The following DPY19L1 variants were observed in gnomAD, a reference collection of about 807,000 sequenced individuals.
DPY19L1 encodes dpy-19 like C-mannosyltransferase 1.
In DPY19L1, 35 loss-of-function variants were observed where a neutral mutation model predicts 96.9. The ratio of observed to expected loss-of-function variants is 0.36; its 90% CI spans 0.28 to 0.48. The LOEUF (loss-of-function observed/expected upper bound fraction) is 0.48, where lower values mean the gene tolerates loss of function less well. Ranked by LOEUF, DPY19L1 falls within the 20% of genes least tolerant of loss-of-function variation. The pLI is 0.99. For missense variants in DPY19L1, 521 were observed against 777.9 expected, an observed-to-expected ratio of 0.67 and a Z score of 3.93; for synonymous variants, 205 against 252.6, an observed-to-expected ratio of 0.81 and a Z score of 1.79.
intron 21 of DPY19L1, 142 bp downstream of exon 21, chr7:34,937,852 C>T (rs1783904188): frequency 1.3e-6 from 1 of 797,276 alleles, no homozygotes; most frequent in East Asian, 2.9e-5. Context: ...GAGTGAGAGC[C>T]TGTTTAAAAA....
At chr7:35,012,702 A>C (rs546145231) in intron 4 of DPY19L1, among the ~76,000 whole-genome samples, 18 of 151,864 alleles carry the variant, frequency 1.2e-4, no homozygotes, top group African/African-American at 4.1e-4. Context: ...TAAAAGACAA[A>C]AAAGATTCAA....
chr7:35,018,517 T>C (rs1219470847), intron 2 of DPY19L1, 55 bp downstream of exon 2: 2 of 1,489,058 alleles, frequency 1.3e-6, no homozygotes, highest in African/African-American at 2.8e-5. Flanking sequence ...GGAAATAGCT[T>C]TAGCAAGTTA....
chr7:35,037,598 G>C (rs1786465858), upstream of DPY19L1: 1 of 261,254 alleles, frequency 3.8e-6, no homozygotes, highest in South Asian at 1.7e-4. Context: ...ACCGCCGGGA[G>C]GCGGCGCCGG....
chr7:35,009,668 A>G (rs1785651981), intron 6 of DPY19L1, among the ~76,000 whole-genome samples: 1 of 152,192 alleles, frequency 6.6e-6, no homozygotes, highest in Non-Finnish European at 1.5e-5. Flanking sequence ...ATCTACAGCC[A>G]TTGACATTGG....
chr7:35,025,476 C>T lies in DPY19L1; in HGVS notation c.299-6880G>A, dbSNP rs78094246. ...GCAGATCAGTAATGACCTTAGGGCA[C>T]GGTTTACTAAGATGGTTAAGAAGAG... On this transcript the variant is annotated intron_variant, in intron 1 of 21. Coordinates refer to ENST00000638088, the MANE Select transcript of DPY19L1 (RefSeq NM_001366673.1). Among the ~76,000 whole-genome samples, 897 of 151,856 alleles carry T rather than the reference C, an allele frequency of 5.9e-3. 10 individuals carry two copies. The highest frequency in any genetic ancestry group is 0.019 in the African/African-American group (797 of 41,388).
At chr7:34,977,420 A>C (rs1397974736) in intron 7 of DPY19L1, among the ~76,000 whole-genome samples, 2 of 152,216 alleles carry the variant, frequency 1.3e-5, no homozygotes, top group Non-Finnish European at 2.9e-5. Flanking sequence ...TAATAGCTAT[A>C]GTCACTCAGT....
chr7:34,985,957 G>A (rs1785037918), intron 7 of DPY19L1, among the ~76,000 whole-genome samples: 1 of 151,824 alleles, frequency 6.6e-6, no homozygotes, highest in African/African-American at 2.4e-5. Context: ...CATACACAAC[G>A]GAATATGACA....
chr7:34,959,479 G>A (rs1453711280), intron 10 of DPY19L1, among the ~76,000 whole-genome samples: 3 of 152,162 alleles, frequency 2.0e-5, no homozygotes, highest in Admixed American at 1.3e-4. Flanking sequence ...GCCTGTCAAT[G>A]ATAGTCTGGA....
At chr7:35,002,791 C>A (rs557358299) in intron 6 of DPY19L1, among the ~76,000 whole-genome samples, 1 of 152,142 alleles carries the variant, frequency 6.6e-6, no homozygotes, top group Non-Finnish European at 1.5e-5. Context: ...TCTTTTGAGA[C>A]GGAGTCTTGC....
chr7:34,980,571 C>T (rs2526545), intron 7 of DPY19L1, among the ~76,000 whole-genome samples: 40,443 of 151,794 alleles, frequency 0.27, 5,517 homozygotes, highest in Non-Finnish European at 0.31. Flanking sequence ...AAGAACTCCA[C>T]AGAATTGACA....
chr7:34,934,958 C>T (rs1455132650), intron 21 of DPY19L1, among the ~76,000 whole-genome samples: 1 of 152,184 alleles, frequency 6.6e-6, no homozygotes, highest in Non-Finnish European at 1.5e-5. Context: ...TTCTTACCTT[C>T]CCTTCATCAA....
chr7:35,001,296 T>C (rs1039259332), intron 6 of DPY19L1, among the ~76,000 whole-genome samples: 3 of 152,194 alleles, frequency 2.0e-5, no homozygotes, highest in African/African-American at 4.8e-5. Flanking sequence ...GCTTATGTGA[T>C]AGATAATATG....
intron 1 of DPY19L1, among the ~76,000 whole-genome samples, chr7:35,034,259 A>G (rs1035742863): frequency 1.3e-5 from 2 of 152,174 alleles, no homozygotes; most frequent in African/African-American, 4.8e-5. Flanking sequence ...TACTACCACA[A>G]TTGTTTCCAT....
intron 15 of DPY19L1, among the ~76,000 whole-genome samples, chr7:34,946,687 T>C (rs1174225268): frequency 6.6e-6 from 1 of 152,212 alleles, no homozygotes; most frequent in Non-Finnish European, 1.5e-5. Context: ...AGTACACAGC[T>C]GAATACCAGA....
Position 34,942,808 on chromosome 7 carries a change from A to C in DPY19L1, c.1545-169T>G, listed in dbSNP as rs1649217. 0.27 allele frequency among the ~76,000 whole-genome samples: 41,156 copies of C among 152,146 alleles called. 5,838 individuals carry two copies. Among genetic ancestry groups the C allele is most frequent in the Non-Finnish European group, 0.32 (22,067 of 67,984 alleles). ...AGTCACATGCCAAAACTGGTGCTATACTATTTTAAGAAAATTTATGAAGAA... is the reference window on the plus strand; with the variant it reads ...AGTCACATGCCAAAACTGGTGCTATCCTATTTTAAGAAAATTTATGAAGAA... On this transcript the variant is annotated intron_variant, in intron 16 of 21. Transcript: ENST00000638088.
chr7:35,028,740 T>C (rs1786188033), intron 1 of DPY19L1, among the ~76,000 whole-genome samples: 3 of 152,208 alleles, frequency 2.0e-5, no homozygotes, highest in Non-Finnish European at 4.4e-5. Flanking sequence ...AGTATTCTCA[T>C]ACTTATGGTT....
intron 15 of DPY19L1, among the ~76,000 whole-genome samples, chr7:34,946,037 T>G (rs1261593550): frequency 6.6e-6 from 1 of 152,210 alleles, no homozygotes; most frequent in Non-Finnish European, 1.5e-5. Context: ...TGGCTTCAAA[T>G]TCACATTCAG....
At chr7:35,019,569 A>G (rs1210486539) in intron 1 of DPY19L1, among the ~76,000 whole-genome samples, 1 of 151,982 alleles carries the variant, frequency 6.6e-6, no homozygotes, top group Admixed American at 6.6e-5. Flanking sequence ...AGAGGAGGAG[A>G]AGGAAGAGGA....
intron 6 of DPY19L1, among the ~76,000 whole-genome samples, chr7:34,995,472 A>C (rs1434258450): frequency 2.0e-5 from 3 of 152,218 alleles, no homozygotes; most frequent in South Asian, 2.1e-4. Flanking sequence ...TTAGATATAA[A>C]ATGAAGGGAT....
Sources: allele counts gnomAD v4.1 joint callset (sites outside exome capture counted in the v4.1 genomes callset), GRCh38; gene constraint gnomAD v4.1.1; transcripts MANE v1.5; gene names NCBI Gene and HGNC (gene_info 2026-07-23, HGNC 2026-07-21).